The following RNF185 variants were observed in gnomAD, a reference collection of about 807,000 sequenced individuals.
The protein encoded by RNF185 is ring finger protein 185, also known as E3 ubiquitin-protein ligase RNF185.
In RNF185, 13 loss-of-function variants were observed where a neutral mutation model predicts 24.9. That is an observed-to-expected ratio of 0.52 (90% confidence interval 0.34 to 0.83). The LOEUF (loss-of-function observed/expected upper bound fraction) is 0.83. Ranked by LOEUF, RNF185 falls within the 40% of genes least tolerant of loss-of-function variation. The pLI is 0.01. For missense variants in RNF185, 184 were observed against 244.7 expected (o/e 0.75, Z 1.65); for synonymous variants, 79 against 90.3 (o/e 0.88, Z 0.71).
intron 1 of RNF185, among the ~76,000 whole-genome samples, chr22:31,177,161 A>G (rs554074795): frequency 6.6e-6 from 1 of 151,980 alleles, no homozygotes; most frequent in Admixed American, 6.6e-5. Context: ...TTCAGGTACT[A>G]TGTACACACT....
Position 31,199,601 on chromosome 22 carries a change from C to G in RNF185, c.364-1897C>G, listed in dbSNP as rs117064779. ...GACTGGTGAGATCATAAAGATGTTGCTAGAAGGGAAGCAGAACGGTTAGTC... is the reference window on the plus strand; with the variant it reads ...GACTGGTGAGATCATAAAGATGTTGGTAGAAGGGAAGCAGAACGGTTAGTC... On this transcript the variant is annotated intron_variant, in intron 5 of 6. Transcript: ENST00000326132. Among the ~76,000 whole-genome samples, 15 of 152,280 alleles carry G rather than the reference C, an allele frequency of 9.9e-5. No homozygotes were observed. The East Asian group carries it at 2.9e-3, about 29-fold the overall frequency.
At chr22:31,179,847 A>G (rs1031583840) in intron 1 of RNF185, among the ~76,000 whole-genome samples, 9 of 152,126 alleles carry the variant, frequency 5.9e-5, no homozygotes, top group Non-Finnish European at 1.2e-4. Context: ...ACCAGGTTAC[A>G]TGGTATGAAA....
Position 31,189,897 on chromosome 22 carries a change from A to G in RNF185, c.176+2627A>G, listed in dbSNP as rs5753504. On this transcript the variant is annotated intron_variant, in intron 2 of 6. Transcript: ENST00000326132. Reference sequence around the variant, plus strand: ...GTGTGAGCCACCATGCCTGCTATCAATTTTTTTTTTAAAGGCAGAATGCCA... The same window carrying G: ...GTGTGAGCCACCATGCCTGCTATCAGTTTTTTTTTTAAAGGCAGAATGCCA... Among the ~76,000 whole-genome samples, 48 of 150,290 alleles carry G rather than the reference A, an allele frequency of 3.2e-4. No homozygotes were observed. The East Asian group carries it at 8.2e-3, about 26-fold the overall frequency.
At chr22:31,177,631 C>T (rs1199437749) in intron 1 of RNF185, among the ~76,000 whole-genome samples, 3 of 152,258 alleles carry the variant, frequency 2.0e-5, no homozygotes, top group South Asian at 2.1e-4. Context: ...TAATGAGCAG[C>T]GTAGACAGGC....
At chr22:31,202,932 A>G (rs1307822083) in intron 6 of RNF185, among the ~76,000 whole-genome samples, 1 of 152,012 alleles carries the variant, frequency 6.6e-6, no homozygotes, top group Non-Finnish European at 1.5e-5. Flanking sequence ...GCCCTTTCTT[A>G]CTTTATCTGC....
At chr22:31,169,615 C>T (rs1270336904) in intron 1 of RNF185, among the ~76,000 whole-genome samples, 1 of 152,120 alleles carries the variant, frequency 6.6e-6, no homozygotes, top group Non-Finnish European at 1.5e-5. Flanking sequence ...GGCGTGATCT[C>T]AGCTCACTGC....
intron 1 of RNF185, among the ~76,000 whole-genome samples, chr22:31,175,805 T>G (rs2049892658): frequency 6.6e-6 from 1 of 152,166 alleles, no homozygotes; most frequent in Admixed American, 6.5e-5. Context: ...AAATTAAAAT[T>G]GTTAAAATTT....
At chr22:31,192,585 C>A in intron 2 of RNF185, 99 bp from the exon 3 acceptor site, 1 of 983,688 alleles carries the variant, frequency 1.0e-6, no homozygotes, top group Non-Finnish European at 1.6e-6. Context: ...CTGCTACTAC[C>A]ACTCCACCCA....
chr22:31,191,794 T>C (rs555217580), intron 2 of RNF185, among the ~76,000 whole-genome samples: 1 of 134,520 alleles, frequency 7.4e-6, no homozygotes, highest in South Asian at 2.4e-4. Context: ...TGAGCTGCAC[T>C]CCAGCTTGGG....
rs942473763 is a variant in RNF185, at chr22:31,189,897, AT to A, written c.176+2637del. The stretch of plus-strand genomic sequence containing the variant: ...GTGTGAGCCACCATGCCTGCTATCA[AT>A]TTTTTTTTTAAAGGCAGAATGCCAT... On this transcript the variant is annotated intron_variant, in intron 2 of 6. Coordinates refer to ENST00000326132, the MANE Select transcript of RNF185 (RefSeq NM_152267.4). 1.9e-3 allele frequency among the ~76,000 whole-genome samples: 284 copies of A among 150,252 alleles called. 1 individual carries two copies. The highest frequency in any genetic ancestry group is 2.1e-3 in the Non-Finnish European group (142 of 67,332).
intron 1 of RNF185, among the ~76,000 whole-genome samples, chr22:31,171,956 G>A (rs2047934782): frequency 6.6e-6 from 1 of 151,874 alleles, no homozygotes; most frequent in African/African-American, 2.4e-5. Flanking sequence ...CAACAAGAAC[G>A]AAACTCCATC....
intron 2 of RNF185, among the ~76,000 whole-genome samples, chr22:31,189,187 T>G: frequency 6.9e-6 from 1 of 144,310 alleles, no homozygotes; most frequent in South Asian, 2.2e-4. Flanking sequence ...ATGTATTTAT[T>G]AAATTTTATA....
chr22:31,194,126 G>C (rs1253138705), intron 3 of RNF185, among the ~76,000 whole-genome samples: 1 of 151,746 alleles, frequency 6.6e-6, no homozygotes, highest in Non-Finnish European at 1.5e-5. Context: ...TTGAACTGCT[G>C]ACCTCAGGTG....
chr22:31,183,987 C>T (rs1314419471), intron 1 of RNF185, among the ~76,000 whole-genome samples: 3 of 148,256 alleles, frequency 2.0e-5, no homozygotes, highest in Admixed American at 6.7e-5. Flanking sequence ...CCCGAGCTCC[C>T]GGACGGGGCA....
At position 31,164,570 on chromosome 22, in the gene RNF185, A is replaced by T. The variant is rs916907725; in HGVS notation, c.-49+4267A>T. Among the ~76,000 whole-genome samples the T allele has an allele frequency of 3.4e-5, 5 of 148,270 alleles. No homozygotes were observed. The East Asian group carries it at 9.8e-4, about 29-fold the overall frequency. On this transcript the variant is annotated intron_variant, in intron 1 of 6. Transcript: ENST00000326132. Reference sequence around the variant, plus strand: ...CCTGGTCTCATCAGATATCTGGGACAGTTCCTCATTGTCTTTTTTTTTTTT... The same window carrying T: ...CCTGGTCTCATCAGATATCTGGGACTGTTCCTCATTGTCTTTTTTTTTTTT...
At chr22:31,188,622 T>A (rs1164884466) in intron 2 of RNF185, among the ~76,000 whole-genome samples, 2 of 148,018 alleles carry the variant, frequency 1.4e-5, no homozygotes, top group Non-Finnish European at 3.0e-5. Context: ...AGCCCAGGAG[T>A]GCAAGATGAG....
intron 3 of RNF185, among the ~76,000 whole-genome samples, chr22:31,193,245 C>T (rs1335665649): frequency 6.6e-6 from 1 of 152,134 alleles, no homozygotes; most frequent in East Asian, 1.9e-4. Flanking sequence ...CGTAGGTGGC[C>T]TGGGAATGTG....
intron 1 of RNF185, among the ~76,000 whole-genome samples, chr22:31,178,362 C>G (rs985008812): frequency 7.2e-5 from 11 of 152,086 alleles, no homozygotes; most frequent in African/African-American, 2.7e-4. Flanking sequence ...TTGCTTTGTG[C>G]TATTGATAGA....
intron 1 of RNF185, among the ~76,000 whole-genome samples, chr22:31,161,965 C>T (rs1243538403): frequency 6.6e-6 from 1 of 151,354 alleles, no homozygotes; most frequent in East Asian, 1.9e-4. Flanking sequence ...TCAAGTGATC[C>T]GCCTGCCTCA....
Sources: allele counts gnomAD v4.1 joint callset (sites outside exome capture counted in the v4.1 genomes callset), GRCh38; gene constraint gnomAD v4.1.1; transcripts MANE v1.5; gene names NCBI Gene and HGNC (gene_info 2026-07-23, HGNC 2026-07-21).